ANKRD44: variants seen among roughly 807,000 people sequenced by gnomAD.
The protein encoded by ANKRD44 is serine/threonine-protein phosphatase 6 regulatory ankyrin repeat subunit B.
ANKRD44 carries 35 observed loss-of-function variants against 116.0 expected under a neutral mutation model. That is an observed-to-expected ratio of 0.30 (90% CI 0.23 to 0.40). ANKRD44 has a LOEUF of 0.40. Among genes scored for constraint, ANKRD44 ranks in the 10% least tolerant of loss-of-function variants. The pLI is 1.00. For synonymous variants in ANKRD44, 435 were observed against 461.8 expected, an observed-to-expected ratio of 0.94 and a Z score of 0.74; for missense variants, 1,014 against 1,242.6, an observed-to-expected ratio of 0.82 and a Z score of 2.77.
intron 16 of ANKRD44, among the ~76,000 whole-genome samples, chr2:197,068,491 C>G (rs2077490114): frequency 6.6e-6 from 1 of 150,976 alleles, no homozygotes; most frequent in Non-Finnish European, 1.5e-5. Flanking sequence ...AGAGCTTCTG[C>G]ACAGCAAAAG....
intron 1 of ANKRD44, among the ~76,000 whole-genome samples, chr2:197,219,402 A>C (rs2081533515): frequency 6.6e-6 from 1 of 152,090 alleles, no homozygotes; most frequent in Admixed American, 6.6e-5. Flanking sequence ...TTTCAAGTGG[A>C]TAGTTCTGTG....
chr2:197,134,397 C>T (rs973422916), intron 4 of ANKRD44: 3 of 152,182 alleles, frequency 2.0e-5, no homozygotes, highest in Non-Finnish European at 4.4e-5. Flanking sequence ...CTTTTTTCCT[C>T]CCTGCAAACC....
intron 17 of ANKRD44, among the ~76,000 whole-genome samples, chr2:197,014,586 G>A (rs1345958230): frequency 2.0e-5 from 3 of 151,938 alleles, no homozygotes; most frequent in Non-Finnish European, 4.4e-5. Context: ...TCAGGCATTC[G>A]AGACCAGTCT....
intron 21 of ANKRD44, among the ~76,000 whole-genome samples, chr2:197,005,227 C>A (rs1574258033): frequency 1.3e-5 from 2 of 151,774 alleles, no homozygotes; most frequent in South Asian, 2.1e-4. Flanking sequence ...TAAAAATCTC[C>A]CAAATAATAA....
At chr2:197,015,479 A>C in intron 17 of ANKRD44, 1 of 482,088 alleles carries the variant, frequency 2.1e-6, no homozygotes, top group Non-Finnish European at 3.8e-6. Flanking sequence ...TTGGAAGTGA[A>C]AGAGACCCAT....
At chr2:196,971,467 G>C (rs769214873) in intron 21 of ANKRD44, among the ~76,000 whole-genome samples, 6 of 151,966 alleles carry the variant, frequency 3.9e-5, no homozygotes, top group South Asian at 2.1e-4. Flanking sequence ...AGTGATTCTC[G>C]TGCCTTAGTC....
At chr2:196,990,850 G>C in intron 27 of ANKRD44, 3 of 1,232,494 alleles carry the variant, frequency 2.4e-6, no homozygotes, top group South Asian at 4.1e-5. Flanking sequence ...GGAGAAAAAG[G>C]CATCATGGTA....
chr2:196,976,790 C>T (rs2075764030), intron 21 of ANKRD44, among the ~76,000 whole-genome samples: 1 of 151,988 alleles, frequency 6.6e-6, no homozygotes, highest in African/African-American at 2.4e-5. Context: ...ATCACCTGAG[C>T]CCAGGAAGTC....
In ANKRD44 at chr2:196,987,846, T is replaced by G; in HGVS notation, c.*1745A>C. The G allele has an allele frequency of 2.0e-6, 2 of 984,570 alleles. No individual in the cohort carries two copies. Among genetic ancestry groups the G allele is most frequent in the Non-Finnish European group, 2.4e-6 (2 of 829,250 alleles). The allele number at this position is 984,570 out of a possible 1,614,324, so 61.0% of individuals were successfully genotyped here. A position where few individuals can be genotyped will look rare whatever the true frequency, so the allele number is the denominator to read the frequency against. On this transcript the variant is annotated 3_prime_UTR_variant, in exon 28 of 28. Coordinates refer to ENST00000282272, the MANE Select transcript of ANKRD44 (RefSeq NM_001195144.2). ...AAGACTCAGTTAAAAACACATTTTT[T>G]TTTCTTAGAAAGCTATGGTGCAAAC...
At chr2:197,011,023 T>C (rs1462321703) in intron 18 of ANKRD44, among the ~76,000 whole-genome samples, 2 of 152,228 alleles carry the variant, frequency 1.3e-5, no homozygotes, top group Non-Finnish European at 2.9e-5. Flanking sequence ...CTCAGCAACA[T>C]TCCATTTATG....
Position 197,125,952 on chromosome 2 carries a change from G to A in ANKRD44, c.347C>T (p.Ala116Val). 1.9e-6 allele frequency: 3 copies of A among 1,614,220 alleles called. No homozygotes were observed. The highest frequency in any genetic ancestry group is 2.5e-6 in the Non-Finnish European group (3 of 1,180,044). ...TTCTGCACATTTGACAGCCTTGTTG[G>A]CTGCTGCCACATGAAGAGGGGTCTG... is the stretch of plus-strand genomic sequence containing the variant. ...NWQTPLHVAA[A>V]NKAVKCAEVI... The change falls in exon 5 of 28, where the codon GCC becomes GTC. Residue 116 changes from alanine to valine, a missense_variant. Physicochemically the swap from Ala to Val is moderately conservative, Grantham distance 64. Coordinates refer to ENST00000282272, the MANE Select transcript of ANKRD44 (RefSeq NM_001195144.2).
In ANKRD44 at chr2:197,221,079, G is replaced by A. The variant is rs967982720; in HGVS notation, c.28-33973C>T. Among the ~76,000 whole-genome samples, 6 of 151,944 alleles carry A rather than the reference G, an allele frequency of 3.9e-5. No homozygotes were observed. In the South Asian group the frequency reaches 6.2e-4, roughly 16 times the overall value. On this transcript the variant is annotated intron_variant, in intron 1 of 27. Coordinates refer to ENST00000282272, the MANE Select transcript of ANKRD44 (RefSeq NM_001195144.2). ...AGCCTGGCCAATGTGGTGAAACCCC[G>A]TCTCTACTAAAAAATACAAAAACTA...
chr2:197,168,342 T>G (rs1003512048), intron 2 of ANKRD44, among the ~76,000 whole-genome samples: 1 of 152,262 alleles, frequency 6.6e-6, no homozygotes, highest in Non-Finnish European at 1.5e-5. Context: ...TGTGAGATTC[T>G]GAAGTGCTCT....
chr2:197,239,120 C>T (rs2082037964), intron 1 of ANKRD44, among the ~76,000 whole-genome samples: 1 of 152,210 alleles, frequency 6.6e-6, no homozygotes, highest in South Asian at 2.1e-4. Flanking sequence ...CACCCAATTC[C>T]AGGCATCAGG....
intron 8 of ANKRD44, among the ~76,000 whole-genome samples, chr2:197,112,474 C>G (rs1267874054): frequency 6.6e-6 from 1 of 152,058 alleles, no homozygotes; most frequent in Admixed American, 6.5e-5. Context: ...CTTTGGGAGG[C>G]CGAGGCGGGA....
intron 1 of ANKRD44, among the ~76,000 whole-genome samples, chr2:197,281,021 CT>C (rs756104112): frequency 9.8e-4 from 144 of 146,694 alleles, no homozygotes; most frequent in Admixed American, 2.6e-3. Flanking sequence ...TTAAGCTCTG[CT>C]TTTTTTTTTT....
rs997031345 is a variant in ANKRD44 at position 197,103,207 on chromosome 2, G to A, written c.986-3277C>T. Among the ~76,000 whole-genome samples, 8 of 139,608 alleles carry A rather than the reference G, an allele frequency of 5.7e-5. No homozygotes were observed. In the East Asian group the frequency reaches 6.3e-4, roughly 11 times the overall value. The allele number at this position is 139,608 out of a possible 152,430, so 91.6% of individuals were successfully genotyped here. A position where few individuals can be genotyped will look rare whatever the true frequency, so the allele number is the denominator to read the frequency against. ...TACGCCACTGCGCTCCAGCCTGGGC[G>A]ACAGAGTGAGACTCCATCTCAAAAA... On this transcript the variant is annotated intron_variant, in intron 9 of 27. Transcript: ENST00000282272.
chr2:197,111,294 A>G (rs1044351634), intron 8 of ANKRD44, among the ~76,000 whole-genome samples: 35 of 152,160 alleles, frequency 2.3e-4, no homozygotes, highest in African/African-American at 8.2e-4. Flanking sequence ...GTTACCTTGC[A>G]TGGTATTCTT....
At chr2:197,014,829 C>A (rs543104797) in intron 17 of ANKRD44, among the ~76,000 whole-genome samples, 1 of 151,182 alleles carries the variant, frequency 6.6e-6, no homozygotes, top group East Asian at 1.9e-4. Flanking sequence ...CATCAAAAAA[C>A]AAAACTAAAA....
Sources: allele counts gnomAD v4.1 joint callset (sites outside exome capture counted in the v4.1 genomes callset), GRCh38; gene constraint gnomAD v4.1.1; transcripts MANE v1.5; gene names NCBI Gene and HGNC (gene_info 2026-07-23, HGNC 2026-07-21).